Variants in CREB5 observed in about 807,000 individuals in gnomAD.
CREB5 encodes cAMP responsive element binding protein 5.
CREB5 carries 19 observed loss-of-function variants against 57.1 expected under a neutral mutation model. That is an observed-to-expected ratio of 0.33 (90% CI 0.23 to 0.49). The LOEUF (loss-of-function observed/expected upper bound fraction) is 0.49. Among genes scored for constraint, CREB5 ranks in the 20% least tolerant of loss-of-function variants. The pLI is 0.99. For missense variants in CREB5, 579 were observed against 671.6 expected (o/e 0.86, Z 1.52); for synonymous variants, 238 against 238.3 (o/e 1.00, Z 0.01).
At chr7:28,651,021 G>A (rs369173233) in intron 5 of CREB5, among the ~76,000 whole-genome samples, 25 of 152,278 alleles carry the variant, frequency 1.6e-4, no homozygotes, top group Middle Eastern at 6.8e-3. Context: ...AACATTGGCA[G>A]TGGTAGTAAA....
intron 5 of CREB5, among the ~76,000 whole-genome samples, chr7:28,659,342 T>G (rs1271168936): frequency 6.6e-6 from 1 of 152,140 alleles, no homozygotes; most frequent in African/African-American, 2.4e-5. Flanking sequence ...AAGGGCAAAC[T>G]GAGCTTTAAA....
intron 9 of CREB5, among the ~76,000 whole-genome samples, chr7:28,811,661 A>G (rs1809127884): frequency 6.6e-6 from 1 of 152,178 alleles, no homozygotes; most frequent in Non-Finnish European, 1.5e-5. Context: ...GTGAGCCACT[A>G]TGCCCAGCCA....
chr7:28,790,682 A>T (rs1027184149), intron 7 of CREB5, among the ~76,000 whole-genome samples: 1 of 152,260 alleles, frequency 6.6e-6, no homozygotes, highest in Non-Finnish European at 1.5e-5. Context: ...AAACGTTTCA[A>T]TCGAAACCCA....
At chr7:28,791,836 A>G (rs1807728406) in intron 7 of CREB5, among the ~76,000 whole-genome samples, 1 of 152,198 alleles carries the variant, frequency 6.6e-6, no homozygotes, top group Non-Finnish European at 1.5e-5. Flanking sequence ...AGTTGTGACA[A>G]TGTGATTTAA....
intron 9 of CREB5, among the ~76,000 whole-genome samples, chr7:28,817,527 C>T (rs1257887292): frequency 6.6e-6 from 1 of 152,186 alleles, no homozygotes; most frequent in Non-Finnish European, 1.5e-5. Flanking sequence ...CAAATCCTAC[C>T]ACATAATTCT....
chr7:28,559,446 C>A (rs529951560), intron 4 of CREB5, among the ~76,000 whole-genome samples: 1 of 152,114 alleles, frequency 6.6e-6, no homozygotes, highest in Non-Finnish European at 1.5e-5. Context: ...TCCTGAGTAG[C>A]GGGGATTACA....
chr7:28,802,670 C>T (rs921052590), intron 7 of CREB5, among the ~76,000 whole-genome samples: 10 of 152,322 alleles, frequency 6.6e-5, no homozygotes, highest in African/African-American at 2.2e-4. Flanking sequence ...TTATGCCCCT[C>T]GGGATATGAT....
chr7:28,311,634 ATT>A (rs1254653501), intron 1 of CREB5, among the ~76,000 whole-genome samples: 1 of 152,208 alleles, frequency 6.6e-6, no homozygotes, highest in Non-Finnish European at 1.5e-5. Context: ...ACAGACTCTG[ATT>A]TAATACTGTG....
At chr7:28,389,976 T>C (rs1310433554) in intron 1 of CREB5, among the ~76,000 whole-genome samples, 1 of 152,058 alleles carries the variant, frequency 6.6e-6, no homozygotes, top group African/African-American at 2.4e-5. Context: ...CTTAATCTGG[T>C]ATCCTGGAGG....
At position 28,507,731 on chromosome 7, in the gene CREB5, C is replaced by T. The variant is rs772126660; in HGVS notation, c.285C>T (p.Ser95=). The T allele has an allele frequency of 5.7e-5, 92 of 1,603,550 alleles. No homozygotes were observed. Among genetic ancestry groups the T allele is most frequent in the Non-Finnish European group, 6.9e-5 (81 of 1,172,056 alleles). The part of the protein sequence containing the change: ...EFRKAQEEES[S]KRNISMHNAV... Reference sequence around the variant, plus strand: ...GGAAGGCTCAGGAAGAGGAGAGCAGCAAGCGGGTAGGTTTGCTTGGATGGC... The same window carrying T: ...GGAAGGCTCAGGAAGAGGAGAGCAGTAAGCGGGTAGGTTTGCTTGGATGGC... The change falls in exon 4 of 11, where the codon AGC becomes AGT. Residue 95 remains serine (S), a synonymous_variant. Coordinates refer to ENST00000357727, the MANE Select transcript of CREB5 (RefSeq NM_182898.4).
intron 4 of CREB5, among the ~76,000 whole-genome samples, chr7:28,556,500 A>G (rs1262509480): frequency 6.6e-6 from 1 of 152,094 alleles, no homozygotes; most frequent in East Asian, 1.9e-4. Flanking sequence ...GTGTGGGTCA[A>G]TGCAAAGCCA....
At chr7:28,508,422 G>A (rs1170648447) in intron 4 of CREB5, among the ~76,000 whole-genome samples, 1 of 152,170 alleles carries the variant, frequency 6.6e-6, no homozygotes, top group Non-Finnish European at 1.5e-5. Flanking sequence ...CAGCATTATT[G>A]AATGCCCACA....
At chr7:28,622,342 C>T (rs1028392406) in intron 5 of CREB5, among the ~76,000 whole-genome samples, 1 of 151,856 alleles carries the variant, frequency 6.6e-6, no homozygotes, top group African/African-American at 2.4e-5. Flanking sequence ...TTCATTACAT[C>T]AGCCATGCAG....
chr7:28,645,429 T>C (rs1437758311), intron 5 of CREB5, among the ~76,000 whole-genome samples: 1 of 152,218 alleles, frequency 6.6e-6, no homozygotes, highest in Non-Finnish European at 1.5e-5. Context: ...GAGCTGGTTG[T>C]TAGCATCATA....
At chr7:28,462,699 A>G (rs1156607900) in intron 1 of CREB5, among the ~76,000 whole-genome samples, 1 of 152,114 alleles carries the variant, frequency 6.6e-6, no homozygotes, top group East Asian at 1.9e-4. Flanking sequence ...GTTATTTACC[A>G]TTTGTATATT....
At chr7:28,517,452 G>A (rs913886664) in intron 4 of CREB5, among the ~76,000 whole-genome samples, 61 of 152,138 alleles carry the variant, frequency 4.0e-4, no homozygotes, top group Non-Finnish European at 6.8e-4. Flanking sequence ...TCAAACCTGT[G>A]GTACGATGAC....
chr7:28,615,651 C>A lies in CREB5; in HGVS notation c.464+45114C>A, dbSNP rs183278296. On this transcript the variant is annotated intron_variant, in intron 5 of 10. Coordinates refer to ENST00000357727, the MANE Select transcript of CREB5 (RefSeq NM_182898.4). The stretch of plus-strand genomic sequence containing the variant: ...TCCACAAAACTTCATCCTTGAGGGA[C>A]CTCCCTGGGAAAAAGTCAATGATTT... 11 of 152,456 alleles carry A rather than the reference C, an allele frequency of 7.2e-5. No individual in the cohort carries two copies. In the East Asian group the frequency reaches 2.1e-3, roughly 29 times the overall value. The allele number at this position is 152,456 out of a possible 1,614,324, so 9.4% of individuals were successfully genotyped here.
At chr7:28,592,366 AAGAG>A (rs1224317819) in intron 5 of CREB5, among the ~76,000 whole-genome samples, 1 of 152,246 alleles carries the variant, frequency 6.6e-6, no homozygotes, top group Admixed American at 6.5e-5. Context: ...AGAATGCAGA[AAGAG>A]AGACCGGTAT....
chr7:28,625,139 G>A (rs912468518), intron 5 of CREB5, among the ~76,000 whole-genome samples: 4 of 152,040 alleles, frequency 2.6e-5, no homozygotes, highest in African/African-American at 9.7e-5. Flanking sequence ...GAGGAAATGA[G>A]GCTTAGGGAA....
Sources: gnomAD v4.1 joint callset for allele counts (sites outside exome capture counted in the v4.1 genomes callset) on GRCh38, gnomAD v4.1.1 for gene constraint, MANE v1.5 for transcripts, NCBI Gene and HGNC (gene_info 2026-07-23, HGNC 2026-07-21) for gene names.